Variants in ROBO2 observed in about 807,000 individuals in gnomAD.
ROBO2 encodes roundabout homolog 2.
Under a neutral mutation model 160.8 loss-of-function variants are expected in ROBO2, and 53 were observed. The observed-to-expected ratio is 0.33, with a 90% CI of 0.26 to 0.41. The LOEUF is 0.41. ROBO2 is among the 10% of genes least tolerant of loss of function. The pLI, the probability that ROBO2 is intolerant of heterozygous loss-of-function variation, is 1.00. For missense variants in ROBO2, 1,577 were observed against 1,722.4 expected (o/e 0.92, Z 1.49); for synonymous variants, 664 against 611.7 (o/e 1.09, Z -1.26).
intron 4 of ROBO2, among the ~76,000 whole-genome samples, chr3:77,488,913 T>A (rs903052809): frequency 3.9e-5 from 6 of 152,310 alleles, no homozygotes; most frequent in African/African-American, 9.6e-5. Context: ...TTACAAAAAA[T>A]TTCTTCCATT....
chr3:76,933,793 G>A (rs2077505233), intron 2 of ROBO2, among the ~76,000 whole-genome samples: 1 of 152,116 alleles, frequency 6.6e-6, no homozygotes, highest in South Asian at 2.1e-4. Context: ...ATGTGCAGTT[G>A]AGCTAACATG....
chr3:76,236,768 C>G (rs1213659419), intron 2 of ROBO2, among the ~76,000 whole-genome samples: 2 of 151,988 alleles, frequency 1.3e-5, no homozygotes, highest in African/African-American at 4.8e-5. Flanking sequence ...CTGAATTAAA[C>G]ATGATATTAA....
chr3:76,257,942 C>T (rs1297713314), intron 2 of ROBO2, among the ~76,000 whole-genome samples: 1 of 152,102 alleles, frequency 6.6e-6, no homozygotes, highest in Non-Finnish European at 1.5e-5. Context: ...CAGACAAAAA[C>T]GCTTCACATA....
intron 2 of ROBO2, chr3:77,316,700 A>C: frequency 2.5e-6 from 2 of 788,206 alleles, no homozygotes; most frequent in South Asian, 2.8e-5. Context: ...CTAAATTCTG[A>C]AGGTAGCTAT....
chr3:76,569,939 A>G (rs2084857288), intron 2 of ROBO2, among the ~76,000 whole-genome samples: 1 of 152,216 alleles, frequency 6.6e-6, no homozygotes, highest in Non-Finnish European at 1.5e-5. Flanking sequence ...AGCCTGGGCA[A>G]CATAGGGAGA....
intron 2 of ROBO2, among the ~76,000 whole-genome samples, chr3:77,196,300 A>G (rs1163774469): frequency 6.6e-6 from 1 of 150,824 alleles, no homozygotes; most frequent in African/African-American, 2.4e-5. Context: ...ATGTTGCATT[A>G]AAAATGTAGT....
chr3:77,607,995 C>T (rs761611981), intron 21 of ROBO2, 41 bp downstream of exon 22: 3 of 1,600,384 alleles, frequency 1.9e-6, no homozygotes, highest in South Asian at 1.1e-5. Flanking sequence ...CCAGGGCTCT[C>T]CTCTCCTCTC....
At chr3:76,585,053 A>G (rs551452498) in intron 2 of ROBO2, among the ~76,000 whole-genome samples, 98 of 152,310 alleles carry the variant, frequency 6.4e-4, no homozygotes, top group African/African-American at 2.2e-3. Flanking sequence ...GATAACAACA[A>G]AACAATAATG....
At chr3:77,098,614 G>A (rs1292647452) in intron 2 of ROBO2, among the ~76,000 whole-genome samples, 1 of 152,098 alleles carries the variant, frequency 6.6e-6, no homozygotes, top group East Asian at 1.9e-4. Flanking sequence ...TTGGGAGGCG[G>A]AGGCGGGCGG....
intron 2 of ROBO2, among the ~76,000 whole-genome samples, chr3:76,534,980 G>A (rs1577965764): frequency 6.6e-6 from 1 of 151,918 alleles, no homozygotes; most frequent in South Asian, 2.1e-4. Flanking sequence ...CATGAGAGAG[G>A]GCCTGACCAA....
At chr3:77,616,605 T>C (rs1186477311) in intron 21 of ROBO2, among the ~76,000 whole-genome samples, 3 of 152,166 alleles carry the variant, frequency 2.0e-5, no homozygotes, top group Admixed American at 6.5e-5. Flanking sequence ...TTTAAGAGGC[T>C]GAATGTATAA....
chr3:76,122,556 C>G (rs1437242378), intron 2 of ROBO2, among the ~76,000 whole-genome samples: 2 of 151,898 alleles, frequency 1.3e-5, no homozygotes, highest in South Asian at 2.1e-4. Flanking sequence ...AAAATATGAC[C>G]AATTTTTAAA....
At chr3:77,483,667 A>G (rs1002599450) in intron 4 of ROBO2, among the ~76,000 whole-genome samples, 4 of 150,140 alleles carry the variant, frequency 2.7e-5, no homozygotes, top group African/African-American at 9.7e-5. Context: ...TATGTTTTAC[A>G]GAACAAGTTA....
At chr3:77,599,180 A>G (rs1166033161) in intron 19 of ROBO2, among the ~76,000 whole-genome samples, 2 of 152,190 alleles carry the variant, frequency 1.3e-5, no homozygotes, top group African/African-American at 4.8e-5. Context: ...ACTATGTGCC[A>G]GAAATACTGT....
intron 2 of ROBO2, among the ~76,000 whole-genome samples, chr3:76,729,134 A>T (rs1256608676): frequency 3.9e-5 from 6 of 152,082 alleles, no homozygotes; most frequent in Non-Finnish European, 1.5e-5. Flanking sequence ...CCTGTCAGAG[A>T]TTTGCTTATT....
intron 2 of ROBO2, among the ~76,000 whole-genome samples, chr3:77,277,181 T>TTTC (rs1389734410): frequency 0.047 from 4,687 of 100,164 alleles, 270 homozygotes; most frequent in African/African-American, 0.16. Context: ...TCTTTCTTTC[T>TTTC]TTCTTTCTTT....
intron 2 of ROBO2, among the ~76,000 whole-genome samples, chr3:77,158,597 G>A (rs934999717): frequency 1.3e-5 from 2 of 152,096 alleles, no homozygotes; most frequent in African/African-American, 4.8e-5. Context: ...CAACTCAAGA[G>A]ATGTTTTTCA....
intron 2 of ROBO2, among the ~76,000 whole-genome samples, chr3:77,409,905 G>A (rs1183748018): frequency 6.6e-6 from 1 of 152,072 alleles, no homozygotes; most frequent in Admixed American, 6.6e-5. Flanking sequence ...TTCCTGTATA[G>A]AGATTTAACT....
At chr3:77,617,331 C>T (rs2094802755) in intron 21 of ROBO2, among the ~76,000 whole-genome samples, 182 bp from the exon 23 acceptor site, 1 of 152,098 alleles carries the variant, frequency 6.6e-6, no homozygotes, top group Non-Finnish European at 1.5e-5. Flanking sequence ...GATGTAATTA[C>T]AATTAGAAAT....
Sources: allele counts gnomAD v4.1 joint callset (sites outside exome capture counted in the v4.1 genomes callset), GRCh38; gene constraint gnomAD v4.1.1; transcripts MANE v1.5; gene names NCBI Gene and HGNC (gene_info 2026-07-23, HGNC 2026-07-21).